NFATC3: variants seen among roughly 807,000 people sequenced by gnomAD.
The protein encoded by NFATC3 is nuclear factor of activated T-cells, cytoplasmic 3.
A neutral mutation model predicts 98.6 loss-of-function variants in NFATC3; 46 were observed. That is an observed-to-expected ratio of 0.47 (90% CI 0.37 to 0.60). The LOEUF (loss-of-function observed/expected upper bound fraction) is 0.60, where lower values mean the gene tolerates loss of function less well. Among genes scored for constraint, NFATC3 ranks in the 20% least tolerant of loss-of-function variants. The probability of loss-of-function intolerance (pLI) is 0.00; values close to 1 mark genes in which losing one functional copy is unlikely to be tolerated. For missense variants in NFATC3, 1,256 were observed against 1,295.5 expected, an observed-to-expected ratio of 0.97 and a Z score of 0.47; for synonymous variants, 512 against 472.2, an observed-to-expected ratio of 1.08 and a Z score of -1.09.
At chr16:68,150,386 G>C (rs2038252121) in intron 3 of NFATC3, among the ~76,000 whole-genome samples, 1 of 148,534 alleles carries the variant, frequency 6.7e-6, no homozygotes, top group South Asian at 2.1e-4. Context: ...AGACCAGCCA[G>C]GGCAACCTAG....
At chr16:68,177,860 A>G (rs116959160) in intron 6 of NFATC3, among the ~76,000 whole-genome samples, 1,640 of 152,210 alleles carry the variant, frequency 0.011, 16 homozygotes, top group Non-Finnish European at 0.017. Flanking sequence ...AAGTAGTATC[A>G]TATGCTTTCA....
Position 68,122,112 on chromosome 16 carries a change from T to G in NFATC3, c.229T>G (p.Ser77Ala), listed in dbSNP as rs772939273. The change falls in exon 2 of 10, where the codon TCG becomes GCG. Residue 77 changes from serine (S) to alanine (A), a missense_variant. Ser to Ala is a moderately conservative substitution (Grantham distance 99, BLOSUM62 1). This residue lies in a region of NFATC3 where 464 missense variants were observed against 465.7 expected (regional missense o/e 1.00). Coordinates refer to ENST00000346183, the MANE Select transcript of NFATC3 (RefSeq NM_173165.3). ...GTCTCACTCTTCTGTTTTGTCACCA[T>G]CGTTTCAGCTCCAAAGTCACAAAAA... is the stretch of plus-strand genomic sequence containing the variant. Reference protein sequence around the residue: ...LPSHSSVLSPSFQLQSHKNYE... With the variant: ...LPSHSSVLSPAFQLQSHKNYE... 8.1e-6 allele frequency: 13 copies of G among 1,614,042 alleles called. No homozygotes were observed. The highest frequency in any genetic ancestry group is 8.5e-7 in the Non-Finnish European group (1 of 1,180,040).
intron 3 of NFATC3, chr16:68,138,649 T>C (rs757378262): frequency 7.8e-7 from 1 of 1,288,896 alleles, no homozygotes; most frequent in South Asian, 1.2e-5. Context: ...CATCACCACT[T>C]ACAATTTTTT....
In NFATC3 at chr16:68,179,718, G is replaced by C. The variant is rs117527424; in HGVS notation, c.1916-1757G>C. ...CACTTAGGATGAAGAGACAGAAAAT[G>C]TGTTGGCCAAATCTTCAGGTGACAG... On this transcript the variant is annotated intron_variant, in intron 6 of 9. Coordinates refer to ENST00000346183, the MANE Select transcript of NFATC3 (RefSeq NM_173165.3). Among the ~76,000 whole-genome samples the C allele has an allele frequency of 3.6e-4, 55 of 152,336 alleles. No individual in the cohort carries two copies. In the East Asian group the frequency reaches 0.01, roughly 29 times the overall value.
chr16:68,114,660 C>T (rs1382697801), intron 1 of NFATC3, among the ~76,000 whole-genome samples: 9 of 151,532 alleles, frequency 5.9e-5, no homozygotes, highest in Admixed American at 3.9e-4. Context: ...CTGCAACCTC[C>T]GACTCCCTGG....
In NFATC3 at chr16:68,157,981, C is replaced by G. The variant is rs1382057149; in HGVS notation, c.1514C>G (p.Thr505Arg). The change falls in exon 4 of 10, where the codon ACA (threonine) becomes AGA (arginine). Residue 505 changes from threonine (T) to arginine (R), a missense_variant. Physicochemically the swap from Thr to Arg is moderately conservative, Grantham distance 71 (BLOSUM62 -1). Coordinates refer to ENST00000346183, the MANE Select transcript of NFATC3 (RefSeq NM_173165.3). Reference protein sequence around the residue: ...FYQVHRITGKTVATASQEIII... With the variant: ...FYQVHRITGKRVATASQEIII... The stretch of plus-strand genomic sequence containing the variant: ...CAGGTGCATCGAATCACTGGGAAGA[C>G]AGTCGCTACTGCAAGCCAAGAGATA... The G allele has an allele frequency of 1.2e-6, 2 of 1,613,886 alleles. No individual in the cohort carries two copies. The highest frequency in any genetic ancestry group is 1.7e-6 in the Non-Finnish European group (2 of 1,179,954).
intron 1 of NFATC3, among the ~76,000 whole-genome samples, chr16:68,094,926 C>A (rs1046746141): frequency 6.6e-6 from 1 of 152,120 alleles, no homozygotes; most frequent in African/African-American, 2.4e-5. Flanking sequence ...CTTAACCTTG[C>A]GTTTCATTGA....
chr16:68,183,043 T>C (rs2040013973), intron 7 of NFATC3, among the ~76,000 whole-genome samples, 197 bp from the exon 8 acceptor site: 1 of 152,208 alleles, frequency 6.6e-6, no homozygotes, highest in Admixed American at 6.5e-5. Flanking sequence ...CAATTTCTCT[T>C]TTATTGATTA....
intron 3 of NFATC3, among the ~76,000 whole-genome samples, chr16:68,145,916 C>T (rs1354375409): frequency 3.9e-5 from 6 of 152,130 alleles, no homozygotes; most frequent in Non-Finnish European, 8.8e-5. Context: ...TGATACTGTG[C>T]TAACTACAGT....
intron 9 of NFATC3, among the ~76,000 whole-genome samples, chr16:68,218,682 C>T (rs2041734750): frequency 4.0e-5 from 6 of 151,030 alleles, no homozygotes; most frequent in Admixed American, 3.9e-4. Flanking sequence ...ACTCCATTCT[C>T]CTGCCTCAGC....
chr16:68,125,979 G>A (rs2036816287), intron 2 of NFATC3, among the ~76,000 whole-genome samples: 1 of 151,962 alleles, frequency 6.6e-6, no homozygotes, highest in South Asian at 2.1e-4. Flanking sequence ...TGCAGCCTCC[G>A]TCTCCTGGGC....
intron 9 of NFATC3, among the ~76,000 whole-genome samples, chr16:68,215,697 C>T (rs1156353199): frequency 7.2e-6 from 1 of 138,610 alleles, no homozygotes; most frequent in African/African-American, 2.7e-5. Context: ...TGCTTGCTTG[C>T]TTCTTTGAGA....
At chr16:68,090,792 A>G (rs1171830270) in intron 1 of NFATC3, among the ~76,000 whole-genome samples, 1 of 152,284 alleles carries the variant, frequency 6.6e-6, no homozygotes, top group East Asian at 1.9e-4. Flanking sequence ...GGAACTGTAA[A>G]GGAGGTTTTG....
At chr16:68,172,943 A>G (rs973492921) in intron 5 of NFATC3, among the ~76,000 whole-genome samples, 1 of 152,160 alleles carries the variant, frequency 6.6e-6, no homozygotes, top group Admixed American at 6.6e-5. Context: ...GTGGCACCGT[A>G]AGCACTGTTT....
intron 9 of NFATC3, among the ~76,000 whole-genome samples, chr16:68,198,730 C>T (rs973066022): frequency 1.3e-5 from 2 of 151,914 alleles, no homozygotes; most frequent in African/African-American, 4.8e-5. Context: ...GGCAATATAC[C>T]CTGTCTCTAC....
rs112208511 is a variant in NFATC3, at chr16:68,106,742, GT to G, written c.104-15235del. Among the ~76,000 whole-genome samples, 1,272 of 147,818 alleles carry G rather than the reference GT, an allele frequency of 8.6e-3. 17 individuals carry two copies. Among genetic ancestry groups the G allele is most frequent in the African/African-American group, 0.029 (1,164 of 40,158 alleles). ...TACCCGGACGCCTTTTTTTTTTGTTGTTTTTTTTTTAATTTAATTTAATTTT... is the reference window on the plus strand; with the variant it reads ...TACCCGGACGCCTTTTTTTTTTGTTGTTTTTTTTTAATTTAATTTAATTTT... On this transcript the variant is annotated intron_variant, in intron 1 of 9. Transcript: ENST00000346183.
At chr16:68,118,554 C>T (rs549247033) in intron 1 of NFATC3, among the ~76,000 whole-genome samples, 15 of 152,202 alleles carry the variant, frequency 9.9e-5, no homozygotes, top group Non-Finnish European at 1.9e-4. Flanking sequence ...TCTTTTTCTC[C>T]CTAATCCTAA....
intron 3 of NFATC3, among the ~76,000 whole-genome samples, chr16:68,147,754 T>TA (rs2038107987): frequency 8.0e-6 from 1 of 124,780 alleles, no homozygotes. Context: ...ATCTGTGAAC[T>TA]GAAAAAAAAA....
chr16:68,226,926 AAAAAAAAGAAAAG>A lies in NFATC3; in HGVS notation c.*468_*480del, dbSNP rs2042051545. 4 of 147,786 alleles carry A rather than the reference AAAAAAAAGAAAAG, an allele frequency of 2.7e-5. No homozygotes were observed. Among genetic ancestry groups the A allele is most frequent in the South Asian group, 2.2e-4 (1 of 4,612 alleles). The allele number at this position is 147,786 out of a possible 1,614,324, so 9.2% of individuals were successfully genotyped here. On this transcript the variant is annotated 3_prime_UTR_variant, in exon 10 of 10. Coordinates refer to ENST00000346183, the MANE Select transcript of NFATC3 (RefSeq NM_173165.3). ...AAAAAAAAAAAAAAAAAAAAAAAGA[AAAAAAAAGAAAAG>A]AAAAAAAGAAAAAGAAAAAAATATC...
Sources: gnomAD v4.1 joint callset for allele counts (sites outside exome capture counted in the v4.1 genomes callset) on GRCh38, gnomAD v4.1.1 for gene constraint, gnomAD v4.1.1 regional missense constraint, MANE v1.5 for transcripts, NCBI Gene and HGNC (gene_info 2026-07-23, HGNC 2026-07-21) for gene names.